KLHL3: variants seen among roughly 807,000 people sequenced by gnomAD.
KLHL3 encodes kelch-like protein 3.
A neutral mutation model predicts 70.5 loss-of-function variants in KLHL3; 19 were observed. The observed-to-expected ratio is 0.27, with a 90% CI of 0.19 to 0.40. The LOEUF (loss-of-function observed/expected upper bound fraction) is 0.40, where lower values mean the gene tolerates loss of function less well. Ranked by LOEUF, KLHL3 falls within the 10% of genes least tolerant of loss-of-function variation. The pLI, the probability that KLHL3 is intolerant of heterozygous loss-of-function variation, is 1.00. For synonymous variants in KLHL3, 258 were observed against 290.3 expected, an observed-to-expected ratio of 0.89 and a Z score of 1.13; for missense variants, 512 against 771.1, an observed-to-expected ratio of 0.66 and a Z score of 3.98.
chr5:137,692,083 A>G (rs1752336704), intron 5 of KLHL3, among the ~76,000 whole-genome samples: 1 of 152,190 alleles, frequency 6.6e-6, no homozygotes, highest in Non-Finnish European at 1.5e-5. Flanking sequence ...TGTCTGTACC[A>G]TCCCCTTGGC....
At chr5:137,637,457 G>C in intron 10 of KLHL3, 62 bp from the exon 11 acceptor site, 1 of 1,459,778 alleles carries the variant, frequency 6.9e-7, no homozygotes, top group South Asian at 1.2e-5. Flanking sequence ...TGTGTGAGAA[G>C]CAGTGAGGAT....
chr5:137,702,696 G>A (rs1752595022), intron 3 of KLHL3, among the ~76,000 whole-genome samples: 1 of 152,200 alleles, frequency 6.6e-6, no homozygotes, highest in African/African-American at 2.4e-5. Context: ...AACAAAACAG[G>A]TGGCAGATTG....
At chr5:137,663,931 G>A (rs965575009) in intron 6 of KLHL3, among the ~76,000 whole-genome samples, 1 of 152,086 alleles carries the variant, frequency 6.6e-6, no homozygotes, top group Non-Finnish European at 1.5e-5. Context: ...GGCTGAAAAA[G>A]GTTCAAAGGA....
chr5:137,689,016 G>A (rs1752253898), intron 5 of KLHL3, among the ~76,000 whole-genome samples: 1 of 152,196 alleles, frequency 6.6e-6, no homozygotes, highest in African/African-American at 2.4e-5. Context: ...AGTGAAAGGG[G>A]CAAAGGAGAA....
At chr5:137,642,225 T>A (rs1750929022) in intron 8 of KLHL3, among the ~76,000 whole-genome samples, 1 of 152,236 alleles carries the variant, frequency 6.6e-6, no homozygotes, top group African/African-American at 2.4e-5. Context: ...TGAGTGAGAA[T>A]AAAAGCAGTT....
At position 137,625,795 on chromosome 5, in the gene KLHL3, T is replaced by A. The variant is rs1043975247; in HGVS notation, c.1693A>T (p.Thr565Ser). ...EYYNPVTDKW[T>S]LLPTNMSTGR... Reference sequence around the variant, plus strand: ...GTGCTCATGTTCGTTGGAAGCAGCGTCCATTTGTCAGTGACAGGATTGTAG... The same window carrying A: ...GTGCTCATGTTCGTTGGAAGCAGCGACCATTTGTCAGTGACAGGATTGTAG... Residue 565 changes from threonine (T) to serine (S), a missense_variant, in exon 14 of 15, where the codon ACG (threonine) becomes TCG (serine). By Grantham distance (58) the Thr-to-Ser change is moderately conservative. Transcript: ENST00000309755. The A allele has an allele frequency of 1.2e-6, 2 of 1,614,068 alleles. No individual in the cohort carries two copies. Among genetic ancestry groups the A allele is most frequent in the Non-Finnish European group, 1.7e-6 (2 of 1,180,010 alleles).
rs1007359713 is a variant in KLHL3, at chr5:137,720,550, C to T, written c.49G>A (p.Gly17Arg). The part of the protein sequence containing the change: ...KLSSQTLIQA[G>R]DDEKNQRTIT... ...GTCCTCTGGTTCTTCTCATCATCCCCAGCCTGTATCAGAGTCTGGGAGCTC... is the reference window on the plus strand; with the variant it reads ...GTCCTCTGGTTCTTCTCATCATCCCTAGCCTGTATCAGAGTCTGGGAGCTC... Residue 17 changes from glycine (G) to arginine (R), a missense_variant, in exon 2 of 15, where the codon GGG becomes AGG. Physicochemically the swap from Gly to Arg is moderately radical, Grantham distance 125. Transcript: ENST00000309755. The T allele has an allele frequency of 5.0e-6, 8 of 1,614,126 alleles. No individual in the cohort carries two copies. Among genetic ancestry groups the T allele is most frequent in the Non-Finnish European group, 6.8e-6 (8 of 1,180,014 alleles).
chr5:137,662,275 ACACACACAC>A (rs1351683662), intron 6 of KLHL3, among the ~76,000 whole-genome samples: 39 of 151,606 alleles, frequency 2.6e-4, no homozygotes, highest in African/African-American at 9.0e-4. Flanking sequence ...ACACACACAC[ACACACACAC>A]AAGGACAAAC....
chr5:137,686,455 G>A (rs1193789901), intron 5 of KLHL3, among the ~76,000 whole-genome samples: 3 of 152,226 alleles, frequency 2.0e-5, no homozygotes, highest in African/African-American at 7.2e-5. Flanking sequence ...ATAGGCTCAG[G>A]ATTACTCAGC....
At chr5:137,655,431 A>C (rs879716230) in intron 8 of KLHL3, among the ~76,000 whole-genome samples, 2 of 152,238 alleles carry the variant, frequency 1.3e-5, no homozygotes, top group Non-Finnish European at 2.9e-5. Context: ...TCAAATGTAA[A>C]ACAAAAATTA....
intron 1 of KLHL3, among the ~76,000 whole-genome samples, chr5:137,724,038 A>G (rs1753047167): frequency 6.6e-6 from 1 of 152,312 alleles, no homozygotes; most frequent in South Asian, 2.1e-4. Context: ...GGATTTGGGG[A>G]AAGCGATGTC....
intron 5 of KLHL3, among the ~76,000 whole-genome samples, chr5:137,679,654 A>G (rs79446155): frequency 6.6e-6 from 1 of 152,232 alleles, no homozygotes; most frequent in African/African-American, 2.4e-5. Context: ...AAATCCTTAG[A>G]GATAAATCAA....
chr5:137,708,889 A>C (rs1318378477), intron 3 of KLHL3, among the ~76,000 whole-genome samples: 2 of 152,200 alleles, frequency 1.3e-5, no homozygotes, highest in African/African-American at 2.4e-5. Flanking sequence ...CAGAGCAGGC[A>C]CAAGCACTTG....
intron 4 of KLHL3, among the ~76,000 whole-genome samples, chr5:137,697,028 T>G (rs562914535): frequency 6.6e-5 from 10 of 152,286 alleles, no homozygotes; most frequent in African/African-American, 2.2e-4. Flanking sequence ...AGTGCCTCCA[T>G]GCTCATCTCC....
At chr5:137,647,517 A>G in intron 8 of KLHL3, 1 of 471,784 alleles carries the variant, frequency 2.1e-6, no homozygotes, top group South Asian at 1.5e-5. Flanking sequence ...ATCGGGCAAG[A>G]GTAGAATGCA....
chr5:137,656,657 C>T (rs1751352363), intron 8 of KLHL3, among the ~76,000 whole-genome samples: 1 of 152,252 alleles, frequency 6.6e-6, no homozygotes, highest in Non-Finnish European at 1.5e-5. Context: ...AAACAAAAGG[C>T]ATCAACCTGC....
At chr5:137,697,383 C>T (rs1261936243) in intron 4 of KLHL3, among the ~76,000 whole-genome samples, 2 of 152,234 alleles carry the variant, frequency 1.3e-5, no homozygotes, top group African/African-American at 2.4e-5. Flanking sequence ...AGGCTGGTTT[C>T]GAACTCCTTA....
intron 1 of KLHL3, among the ~76,000 whole-genome samples, chr5:137,734,366 G>A (rs1399598187): frequency 6.6e-6 from 1 of 152,184 alleles, no homozygotes; most frequent in Non-Finnish European, 1.5e-5. Flanking sequence ...GTTGCAAAGA[G>A]CACCCAGAAA....
rs1188846924 is a variant in KLHL3 at position 137,735,521 on chromosome 5, C to T, written c.14+112G>A. The T allele has an allele frequency of 4.8e-6, 4 of 825,858 alleles. No individual in the cohort carries two copies. In the African/African-American group the frequency reaches 6.7e-5, roughly 14 times the overall value. The allele number at this position is 825,858 out of a possible 1,614,324, so 51.2% of individuals were successfully genotyped here. ...GCGCCCTTTAAGATCCATCAGTGGC[C>T]AGGTCTTCCAACTCTGCCTAGCCAA... is the stretch of plus-strand genomic sequence containing the variant. On this transcript the variant is annotated intron_variant, in intron 1 of 14. Transcript: ENST00000309755.
Sources: allele counts gnomAD v4.1 joint callset (sites outside exome capture counted in the v4.1 genomes callset), GRCh38; gene constraint gnomAD v4.1.1; transcripts MANE v1.5; gene names NCBI Gene and HGNC (gene_info 2026-07-23, HGNC 2026-07-21).